The following CCDC126 variants were observed in gnomAD, a reference collection of about 807,000 sequenced individuals.
CCDC126 encodes coiled-coil domain containing 126.
In CCDC126, 5 loss-of-function variants were observed where a neutral mutation model predicts 11.7. That is an observed-to-expected ratio of 0.43 (90% confidence interval 0.22 to 0.90). The LOEUF is 0.90. CCDC126 is among the 40% of genes least tolerant of loss of function. CCDC126 has a pLI of 0.27. For missense variants in CCDC126, 150 were observed against 163.1 expected (o/e 0.92, Z 0.44); for synonymous variants, 60 against 61.9 (o/e 0.97, Z 0.14).
At chr7:23,622,725 C>T in intron 3 of CCDC126, 6 of 524,650 alleles carry the variant, frequency 1.1e-5, no homozygotes, top group Non-Finnish European at 1.9e-5. Flanking sequence ...ATTGTGGCCA[C>T]AGTTGACCCT....
At chr7:23,627,847 T>C (rs1317954744) in intron 3 of CCDC126, among the ~76,000 whole-genome samples, 1 of 152,080 alleles carries the variant, frequency 6.6e-6, no homozygotes, top group Non-Finnish European at 1.5e-5. Flanking sequence ...TGTTTCGGAC[T>C]CCCAAAGTTC....
chr7:23,639,158 C>T (rs1043787515), intron 3 of CCDC126, among the ~76,000 whole-genome samples: 6 of 150,306 alleles, frequency 4.0e-5, no homozygotes, highest in Non-Finnish European at 8.9e-5. Flanking sequence ...TATCTTTCAT[C>T]TAAACTCACA....
chr7:23,629,284 T>C (rs998236542), intron 3 of CCDC126, among the ~76,000 whole-genome samples: 4 of 152,192 alleles, frequency 2.6e-5, no homozygotes, highest in Non-Finnish European at 4.4e-5. Flanking sequence ...AACAGAGGCT[T>C]CAGAGAGCTA....
At chr7:23,609,333 G>GCCA (rs1188165048) in intron 2 of CCDC126, among the ~76,000 whole-genome samples, 1 of 151,898 alleles carries the variant, frequency 6.6e-6, no homozygotes, top group South Asian at 2.1e-4. Context: ...ACAAGCATGC[G>GCCA]CCACCACGTC....
chr7:23,611,373 G>C lies in CCDC126; in HGVS notation c.58G>C (p.Val20Leu). The change falls in exon 3 of 4, where the codon GTA becomes CTA. Residue 20 changes from valine (V) to leucine (L), a missense_variant. Transcript: ENST00000307471. ...MSQKLSLLLL[V>L]FGLIWGLMLL... ...CCAGAAATTGAGTTTACTGTTGCTT[G>C]TATTTGGACTCATTTGGGGATTGAT... is the stretch of plus-strand genomic sequence containing the variant. The C allele has an allele frequency of 6.2e-7, 1 of 1,613,682 alleles. No individual in the cohort carries two copies. The highest frequency in any genetic ancestry group is 8.5e-7 in the Non-Finnish European group (1 of 1,179,836).
chr7:23,605,202 G>A lies in CCDC126; in HGVS notation c.-145-5969G>A, dbSNP rs183555360. Among the ~76,000 whole-genome samples, 158 of 152,228 alleles carry A rather than the reference G, an allele frequency of 1.0e-3. 1 individual carries two copies. The highest frequency in any genetic ancestry group is 3.8e-3 in the African/African-American group (156 of 41,518). On this transcript the variant is annotated intron_variant, in intron 2 of 3. Coordinates refer to ENST00000307471, the MANE Select transcript of CCDC126 (RefSeq NM_138771.4). ...CCTGAGGTCAGAAAGAATTTAATGT[G>A]TTTTCCCTAGCATGGGTTTAGCATG...
At chr7:23,635,616 CTT>C (rs749031382) in intron 3 of CCDC126, among the ~76,000 whole-genome samples, 105 of 152,194 alleles carry the variant, frequency 6.9e-4, no homozygotes, top group Middle Eastern at 6.8e-3. Context: ...CTCTTAGTCT[CTT>C]TTTTTGTAAT....
In CCDC126 at chr7:23,625,716, C is replaced by T. The variant is rs1467601656; in HGVS notation, c.238+14163C>T. Among the ~76,000 whole-genome samples, 20 of 129,550 alleles carry T rather than the reference C, an allele frequency of 1.5e-4. No individual in the cohort carries two copies. The Admixed American group carries it at 1.6e-3, about 11-fold the overall frequency. 85.0% of individuals were successfully genotyped at this position (129,550 alleles called of 152,430 possible). ...TGTTGCCCAGGCTGGAGTGCAATGG[C>T]GCTCTCTCAGCTCACTGCAAGCTCT... On this transcript the variant is annotated intron_variant, in intron 3 of 3. Transcript: ENST00000307471.
chr7:23,626,540 G>A (rs1783019102), intron 3 of CCDC126, among the ~76,000 whole-genome samples: 1 of 151,946 alleles, frequency 6.6e-6, no homozygotes, highest in Admixed American at 6.6e-5. Context: ...GGGTACATGT[G>A]AAGATTTGTT....
intron 3 of CCDC126, among the ~76,000 whole-genome samples, chr7:23,641,714 C>A (rs749204901): frequency 8.0e-4 from 122 of 152,198 alleles, no homozygotes; most frequent in African/African-American, 2.8e-3. Context: ...TTCTGGGAAA[C>A]CTGAGAAAGA....
At position 23,644,124 on chromosome 7, in the gene CCDC126, G is replaced by A. The variant is rs1438937240; in HGVS notation, c.*1009G>A. The A allele has an allele frequency of 1.3e-5, 2 of 151,836 alleles. No homozygotes were observed. The allele number at this position is 151,836 out of a possible 1,614,324, so 9.4% of individuals were successfully genotyped here. ...AATGTTAACATTATATTATATAAGA[G>A]TATCCTTTATGAAATTTTGAATTTG... On this transcript the variant is annotated 3_prime_UTR_variant, in exon 4 of 4. Coordinates refer to ENST00000307471, the MANE Select transcript of CCDC126 (RefSeq NM_138771.4).
chr7:23,613,578 C>G (rs1782750148), intron 3 of CCDC126, among the ~76,000 whole-genome samples: 1 of 152,106 alleles, frequency 6.6e-6, no homozygotes, highest in African/African-American at 2.4e-5. Flanking sequence ...AGCTTTCTTT[C>G]TCACTTAAAA....
chr7:23,626,114 A>G lies in CCDC126; in HGVS notation c.238+14561A>G, dbSNP rs112134455. Among the ~76,000 whole-genome samples the G allele has an allele frequency of 1.9e-4, 27 of 145,744 alleles. 2 individuals are homozygous for G. The highest frequency in any genetic ancestry group is 4.7e-4 in the African/African-American group (19 of 40,414). On this transcript the variant is annotated intron_variant, in intron 3 of 3. Transcript: ENST00000307471. ...TTTTGTGCTGAAAATTTTTTTCTCC[A>G]TAACTTATATTCTAATGTATTATGC...
chr7:23,618,875 A>T (rs1782841040), intron 3 of CCDC126, among the ~76,000 whole-genome samples: 1 of 151,998 alleles, frequency 6.6e-6, no homozygotes, highest in Non-Finnish European at 1.5e-5. Context: ...ATTACACAGT[A>T]TCAATGTATT....
intron 3 of CCDC126, among the ~76,000 whole-genome samples, chr7:23,638,863 C>CAAAAAAAAAAAAAAAAAA (rs61374394): frequency 3.7e-5 from 4 of 108,576 alleles, no homozygotes; most frequent in African/African-American, 1.0e-4. Flanking sequence ...AATAAATTAA[C>CAAAAAAAAAAAAAAAAAA]AAAAAAAAAA....
intron 3 of CCDC126, among the ~76,000 whole-genome samples, chr7:23,623,872 G>GT (rs1343544049): frequency 6.6e-6 from 1 of 152,106 alleles, no homozygotes; most frequent in African/African-American, 2.4e-5. Context: ...TCGCTTTGTA[G>GT]TAAAAAATTT....
At chr7:23,623,293 T>C (rs1782955750) in intron 3 of CCDC126, among the ~76,000 whole-genome samples, 1 of 152,230 alleles carries the variant, frequency 6.6e-6, no homozygotes, top group Admixed American at 6.5e-5. Flanking sequence ...TTGGAATTGA[T>C]ATTTTGTCTC....
At chr7:23,602,958 T>C (rs916254221) in intron 2 of CCDC126, among the ~76,000 whole-genome samples, 4 of 152,228 alleles carry the variant, frequency 2.6e-5, no homozygotes, top group Non-Finnish European at 5.9e-5. Context: ...TGGTAGGTAC[T>C]TTGCTATTGT....
chr7:23,640,682 C>G (rs997662714), intron 3 of CCDC126, among the ~76,000 whole-genome samples: 8 of 152,070 alleles, frequency 5.3e-5, no homozygotes, highest in Non-Finnish European at 7.4e-5. Flanking sequence ...AGTCTACTTT[C>G]TGTCTGTATA....
Sources: allele counts gnomAD v4.1 joint callset (sites outside exome capture counted in the v4.1 genomes callset), GRCh38; gene constraint gnomAD v4.1.1; transcripts MANE v1.5; gene names NCBI Gene and HGNC (gene_info 2026-07-23, HGNC 2026-07-21).